Variants in PRKDC observed in about 807,000 individuals in gnomAD.
PRKDC encodes DNA-dependent protein kinase catalytic subunit.
A neutral mutation model predicts 486.9 loss-of-function variants in PRKDC; 82 were observed. The ratio of observed to expected loss-of-function variants is 0.17; its 90% CI spans 0.14 to 0.20. The LOEUF is 0.20. PRKDC is among the 10% of genes least tolerant of loss of function. The probability of loss-of-function intolerance (pLI) is 1.00; values close to 1 mark genes in which losing one functional copy is unlikely to be tolerated. For missense variants in PRKDC, 4,504 were observed against 5,038.2 expected (o/e 0.89, Z 3.21); for synonymous variants, 1,895 against 1,837.0 (o/e 1.03, Z -0.81).
In PRKDC at chr8:47,852,767, A is replaced by G; in HGVS notation, c.6911T>C (p.Val2304Ala). 1 of 1,568,824 alleles carries G rather than the reference A, an allele frequency of 6.4e-7. No homozygotes were observed. The highest frequency in any genetic ancestry group is 8.7e-7 in the Non-Finnish European group (1 of 1,155,292). Residue 2304 changes from valine to alanine, a missense_variant, in exon 52 of 86, where the codon GTG becomes GCG. By Grantham distance (64) the Val-to-Ala change is moderately conservative. Transcript: ENST00000314191. ...ATATCTTACAAAGGACATATTATTC[A>G]CCAAAGCCTGGAAGTATCTACAATA... is the stretch of plus-strand genomic sequence containing the variant. ...IQSSEYFQAL[V>A]NNMSFVRYKE...
intron 7 of PRKDC, among the ~76,000 whole-genome samples, chr8:47,950,229 G>A (rs1426025399): frequency 1.3e-5 from 2 of 150,282 alleles, no homozygotes; most frequent in East Asian, 3.9e-4. Context: ...CCAAGATCGC[G>A]CCATTGCACT....
intron 21 of PRKDC, among the ~76,000 whole-genome samples, chr8:47,924,772 T>TG (rs1389617973): frequency 6.6e-6 from 1 of 152,096 alleles, no homozygotes; most frequent in African/African-American, 2.4e-5. Flanking sequence ...CATATATAAC[T>TG]GGGGAGAGGC....
chr8:47,933,877 T>C, intron 15 of PRKDC, 88 bp downstream of exon 15: 1 of 1,353,584 alleles, frequency 7.4e-7, no homozygotes. Context: ...GTTAGTAAAA[T>C]ATAATTCTGA....
chr8:47,905,824 G>A (rs2089770764), intron 25 of PRKDC, among the ~76,000 whole-genome samples: 1 of 152,114 alleles, frequency 6.6e-6, no homozygotes, highest in African/African-American at 2.4e-5. Context: ...AGGTAGCCCC[G>A]TGCTCCCTGG....
At position 47,834,221 on chromosome 8, in the gene PRKDC, C is replaced by T. The variant is rs761279560; in HGVS notation, c.8127G>A (p.Gly2709=). 2 of 1,614,032 alleles carry T rather than the reference C, an allele frequency of 1.2e-6. No homozygotes were observed. Among genetic ancestry groups the T allele is most frequent in the Non-Finnish European group, 1.7e-6 (2 of 1,179,894 alleles). The stretch of plus-strand genomic sequence containing the variant: ...CTTTCACTTTGTTATCCACCTCGTC[C>T]CCTGGAAGGCCCAGCCTTTTTTTCC... ...DFGKKRLGLP[G]DEVDNKVKGA... is the part of the protein sequence containing the mutation. Residue 2709 remains glycine (G), a synonymous_variant, in exon 59 of 86, where the codon GGG becomes GGA. Coordinates refer to ENST00000314191, the MANE Select transcript of PRKDC (RefSeq NM_006904.7).
rs1301586283 is a variant in PRKDC at position 47,879,496 on chromosome 8, T to G, written c.5230A>C (p.Lys1744Gln). The G allele has an allele frequency of 6.4e-7, 1 of 1,572,862 alleles. No individual in the cohort carries two copies. The highest frequency in any genetic ancestry group is 1.9e-5 in the Admixed American group (1 of 53,964). ...TGATACTACTAGAAACTAACCTTTTTCATGCAGTCCACATAATTATTGAAC... is the reference window on the plus strand; with the variant it reads ...TGATACTACTAGAAACTAACCTTTTGCATGCAGTCCACATAATTATTGAAC... ...PRFNNYVDCM[K>Q]KFLDALELSQ... The change falls in exon 39 of 86, where the codon AAA becomes CAA. Residue 1744 changes from lysine (K) to glutamine (Q), a missense_variant. Coordinates refer to ENST00000314191, the MANE Select transcript of PRKDC (RefSeq NM_006904.7).
chr8:47,798,298 G>A lies in PRKDC; in HGVS notation c.10397C>T (p.Pro3466Leu). Reference protein sequence around the residue: ...LNSNEARLKFPRLLQIIERYP... With the variant: ...LNSNEARLKFLRLLQIIERYP... Reference sequence around the variant, plus strand: ...CCGTTCTATAATCTGAAGTAATCTAGGAAACTTCAATCTGGCTTCATTGGA... The same window carrying A: ...CCGTTCTATAATCTGAAGTAATCTAAGAAACTTCAATCTGGCTTCATTGGA... Residue 3466 changes from proline to leucine, a missense_variant, in exon 73 of 86, where the codon CCT (proline) becomes CTT (leucine). By Grantham distance (98) the Pro-to-Leu change is moderately conservative. Around this residue, in one of 6 missense-constraint regions of PRKDC, gnomAD observed 706 missense variants for 945.0 expected, o/e 0.75. Coordinates refer to ENST00000314191, the MANE Select transcript of PRKDC (RefSeq NM_006904.7). The A allele has an allele frequency of 6.2e-7, 1 of 1,613,650 alleles. No homozygotes were observed. The highest frequency in any genetic ancestry group is 8.5e-7 in the Non-Finnish European group (1 of 1,179,776).
chr8:47,775,440 C>T (rs988428728), intron 85 of PRKDC, among the ~76,000 whole-genome samples: 34 of 136,942 alleles, frequency 2.5e-4, no homozygotes, highest in Admixed American at 1.6e-4. Flanking sequence ...GGCGTGATCT[C>T]GGCTCACTGC....
At chr8:47,917,147 C>A (rs139633835) in intron 22 of PRKDC, among the ~76,000 whole-genome samples, 3 of 152,040 alleles carry the variant, frequency 2.0e-5, no homozygotes, top group Non-Finnish European at 2.9e-5. Flanking sequence ...CCCAGCTACT[C>A]GGGTGGCTGA....
chr8:47,902,554 G>A lies in PRKDC; in HGVS notation c.3269+15C>T, dbSNP rs375430890. Reference sequence around the variant, plus strand: ...AAACCACAAGTTTCTCTTCTCTGTTGTGTAGCTTACAAACCTGAATTCCCT... The same window carrying A: ...AAACCACAAGTTTCTCTTCTCTGTTATGTAGCTTACAAACCTGAATTCCCT... On this transcript the variant is annotated intron_variant, in intron 27 of 85. Transcript: ENST00000314191. 17 of 1,517,562 alleles carry A rather than the reference G, an allele frequency of 1.1e-5. No individual in the cohort carries two copies. The highest frequency in any genetic ancestry group is 1.5e-5 in the Non-Finnish European group (17 of 1,130,994). 94.0% of individuals were successfully genotyped at this position (1,517,562 alleles called of 1,614,324 possible).
chr8:47,865,049 A>G (rs2088775488), intron 40 of PRKDC, among the ~76,000 whole-genome samples: 1 of 152,262 alleles, frequency 6.6e-6, no homozygotes, highest in South Asian at 2.1e-4. Context: ...GGAAGGCTCT[A>G]GAAGAATCTC....
At chr8:47,874,785 T>C (rs1047038659) in intron 40 of PRKDC, among the ~76,000 whole-genome samples, 2 of 152,242 alleles carry the variant, frequency 1.3e-5, no homozygotes, top group Admixed American at 6.5e-5. Flanking sequence ...CCAGGCACAG[T>C]GGCTCGTGAC....
intron 78 of PRKDC, 60 bp downstream of exon 78, chr8:47,783,682 C>G: frequency 6.5e-7 from 1 of 1,534,438 alleles, no homozygotes; most frequent in Non-Finnish European, 9.0e-7. Context: ...GCAAACAGAT[C>G]ATTCTCATCT....
At chr8:47,931,133 G>T (rs1018977460) in intron 16 of PRKDC, among the ~76,000 whole-genome samples, 5 of 152,172 alleles carry the variant, frequency 3.3e-5, no homozygotes, top group Non-Finnish European at 7.3e-5. Context: ...GAGAAATAGA[G>T]AAATTATTAA....
intron 19 of PRKDC, among the ~76,000 whole-genome samples, chr8:47,928,562 T>TA (rs906139004): frequency 5.4e-4 from 81 of 149,762 alleles, no homozygotes; most frequent in African/African-American, 1.9e-3. Flanking sequence ...TTTATTTATT[T>TA]TTTTTTTTGA....
In PRKDC at chr8:47,945,233, T is replaced by C. The variant is rs533843984; in HGVS notation, c.722-1204A>G. On this transcript the variant is annotated intron_variant, in intron 7 of 85. Transcript: ENST00000314191. ...CCCACTCCCTGTAGAAGCATGGTCTTGTATCTGTTTTTTTCAATGTGGTAA... is the reference window on the plus strand; with the variant it reads ...CCCACTCCCTGTAGAAGCATGGTCTCGTATCTGTTTTTTTCAATGTGGTAA... Among the ~76,000 whole-genome samples the C allele has an allele frequency of 2.9e-3, 441 of 152,304 alleles. 3 individuals are homozygous for C. Among genetic ancestry groups the C allele is most frequent in the African/African-American group, 0.01 (432 of 41,548 alleles).
At position 47,915,394 on chromosome 8, in the gene PRKDC, T is replaced by G. The variant is rs1563801578; in HGVS notation, c.2551A>C (p.Ile851Leu). ...AGCATTTGTACTACTCTAATTCTTA[T>G]TTCTTCTAAGGATATTGCTTCGTTC... ...SSNEAISLEE[I>L]RIRVVQMLGS... The change falls in exon 23 of 86, where the codon ATA (isoleucine) becomes CTA (leucine). Residue 851 changes from isoleucine to leucine, a missense_variant. By Grantham distance (5) the Ile-to-Leu change is conservative. Transcript: ENST00000314191. 6.4e-7 allele frequency: 1 copy of G among 1,560,904 alleles called. No homozygotes were observed. Among genetic ancestry groups the G allele is most frequent in the Non-Finnish European group, 8.7e-7 (1 of 1,146,594 alleles).
intron 31 of PRKDC, 118 bp downstream of exon 31, chr8:47,893,021 G>A (rs10097783): frequency 0.077 from 94,685 of 1,223,554 alleles, 6,684 homozygotes; most frequent in African/African-American, 0.3. Flanking sequence ...ATGAAAGCAC[G>A]GGCAAGGTGG....
chr8:47,896,467 G>A (rs2089584293), intron 30 of PRKDC, among the ~76,000 whole-genome samples: 1 of 152,062 alleles, frequency 6.6e-6, no homozygotes, highest in Non-Finnish European at 1.5e-5. Context: ...CTAACACGGT[G>A]AAACCCCGTC....
Sources: gnomAD v4.1 joint callset for allele counts (sites outside exome capture counted in the v4.1 genomes callset) on GRCh38, gnomAD v4.1.1 for gene constraint, gnomAD v4.1.1 regional missense constraint, MANE v1.5 for transcripts, NCBI Gene and HGNC (gene_info 2026-07-23, HGNC 2026-07-21) for gene names.